GPR26: variants seen among roughly 807,000 people sequenced by gnomAD.
GPR26 encodes G protein-coupled receptor 26.
In GPR26, 15 loss-of-function variants were observed where a neutral mutation model predicts 23.1. That is an observed-to-expected ratio of 0.65 (90% CI 0.43 to 1.00). The LOEUF (loss-of-function observed/expected upper bound fraction) is 1.00. Among genes scored for constraint, GPR26 ranks in the 50% least tolerant of loss-of-function variants. The pLI is 0.00. For missense variants in GPR26, 359 were observed against 470.5 expected, an observed-to-expected ratio of 0.76 and a Z score of 2.19; for synonymous variants, 228 against 222.1, an observed-to-expected ratio of 1.03 and a Z score of -0.24.
In GPR26 at chr10:123,674,691, C is replaced by T. The variant is rs570181043; in HGVS notation, c.669-127C>T. On this transcript the variant is annotated intron_variant, in intron 1 of 2. Coordinates refer to ENST00000284674, the MANE Select transcript of GPR26 (RefSeq NM_153442.4). The surrounding 1 kb of genome is among the most constrained non-coding windows in gnomAD (Gnocchi z 4.1). Reference sequence around the variant, plus strand: ...CAATAGCTACAGCCAAGAGTTGACGCTGGGTCTTTCCGACTCCATAGTCAA... The same window carrying T: ...CAATAGCTACAGCCAAGAGTTGACGTTGGGTCTTTCCGACTCCATAGTCAA... 3.4e-5 allele frequency: 21 copies of T among 621,750 alleles called. No homozygotes were observed. The highest frequency in any genetic ancestry group is 3.1e-4 in the African/African-American group (17 of 54,726). 38.5% of individuals were successfully genotyped at this position (621,750 alleles called of 1,614,324 possible).
chr10:123,675,684 A>T (rs1845296372), intron 2 of GPR26, among the ~76,000 whole-genome samples: 1 of 152,146 alleles, frequency 6.6e-6, no homozygotes, highest in South Asian at 2.1e-4. Flanking sequence ...CTTTGCATCT[A>T]AAGGGGCTTA....
Position 123,674,572 on chromosome 10 carries a change from C to T in GPR26, c.669-246C>T, listed in dbSNP as rs899115212. Among the ~76,000 whole-genome samples the T allele has an allele frequency of 6.6e-6, 1 of 152,176 alleles. No homozygotes were observed. Among genetic ancestry groups the T allele is most frequent in the Non-Finnish European group, 1.5e-5 (1 of 68,042 alleles). Reference sequence around the variant, plus strand: ...AACAGCCTCTTGTAGCATTTTATTACATTATGTGTAATACACTAAAATATA... The same window carrying T: ...AACAGCCTCTTGTAGCATTTTATTATATTATGTGTAATACACTAAAATATA... On this transcript the variant is annotated intron_variant, in intron 1 of 2. Transcript: ENST00000284674. This position sits in a 1 kb window ranked among gnomAD's most constrained non-coding sequence, Gnocchi z 4.1.
chr10:123,688,638 T>C lies in GPR26; in HGVS notation c.*478T>C, dbSNP rs1845456880. ...GGCCCGGATCTAACATGGCACCTCG[T>C]CTCCACAGGGTAGTGGTGGCTGCTT... On this transcript the variant is annotated 3_prime_UTR_variant, in exon 3 of 3. Coordinates refer to ENST00000284674, the MANE Select transcript of GPR26 (RefSeq NM_153442.4). 5.4e-6 allele frequency: 1 copy of C among 186,710 alleles called. No homozygotes were observed. Among genetic ancestry groups the C allele is most frequent in the South Asian group, 1.2e-4 (1 of 8,454 alleles). 11.6% of individuals were successfully genotyped at this position (186,710 alleles called of 1,614,324 possible).
intron 1 of GPR26, among the ~76,000 whole-genome samples, chr10:123,668,867 T>G (rs187621447): frequency 6.6e-6 from 1 of 152,342 alleles, no homozygotes; most frequent in East Asian, 1.9e-4. Context: ...CAAACTGCAT[T>G]CCCACTCTTC....
chr10:123,676,086 T>C (rs1455493562), intron 2 of GPR26, among the ~76,000 whole-genome samples: 1 of 150,314 alleles, frequency 6.7e-6, no homozygotes, highest in Non-Finnish European at 1.5e-5. Flanking sequence ...CCAGTTCTTC[T>C]TTCTGCCATC....
intron 1 of GPR26, among the ~76,000 whole-genome samples, chr10:123,671,839 A>T (rs369668445): frequency 7.2e-5 from 11 of 152,296 alleles, no homozygotes; most frequent in African/African-American, 2.4e-4. Flanking sequence ...CAGTGTTCTC[A>T]TCTGAATATA....
intron 1 of GPR26, among the ~76,000 whole-genome samples, chr10:123,671,295 C>T (rs1210023939): frequency 1.3e-5 from 2 of 152,294 alleles, no homozygotes; most frequent in South Asian, 2.1e-4. Context: ...TGACTGGAGC[C>T]GCTGGGGAAC....
In GPR26 at chr10:123,695,998, G is replaced by C. The variant is rs1464273341; in HGVS notation, c.*7838G>C. 1.3e-5 allele frequency among the ~76,000 whole-genome samples: 2 copies of C among 152,154 alleles called. No homozygotes were observed. Among genetic ancestry groups the C allele is most frequent in the Non-Finnish European group, 2.9e-5 (2 of 68,026 alleles). ...CCTTGCCTGATGCCCATTACCACCT[G>C]GGGTGGTTTTTCTAGACACCAGAAT... is the stretch of plus-strand genomic sequence containing the variant. On this transcript the variant is annotated 3_prime_UTR_variant, in exon 3 of 3. Transcript: ENST00000284674.
chr10:123,687,490 T>C (rs557926109), intron 2 of GPR26, among the ~76,000 whole-genome samples: 1 of 151,644 alleles, frequency 6.6e-6, no homozygotes, highest in Admixed American at 6.6e-5. Context: ...AGCAGCAGAG[T>C]TGGCGCCAAA....
intron 1 of GPR26, among the ~76,000 whole-genome samples, chr10:123,673,396 A>C (rs189146993): frequency 8.5e-4 from 130 of 152,296 alleles, no homozygotes; most frequent in African/African-American, 2.5e-3. Flanking sequence ...TTTTTTTAAC[A>C]GACTGCCTAT....
chr10:123,682,888 C>T (rs191601842), intron 2 of GPR26, among the ~76,000 whole-genome samples: 5 of 152,326 alleles, frequency 3.3e-5, no homozygotes, highest in African/African-American at 9.6e-5. Context: ...TCTTCAAATA[C>T]ACAAGCTGAG....
In GPR26 at chr10:123,695,317, T is replaced by C. The variant is rs1442757452; in HGVS notation, c.*7157T>C. Among the ~76,000 whole-genome samples, 1 of 152,222 alleles carries C rather than the reference T, an allele frequency of 6.6e-6. No homozygotes were observed. The highest frequency in any genetic ancestry group is 2.4e-5 in the African/African-American group (1 of 41,450). On this transcript the variant is annotated 3_prime_UTR_variant, in exon 3 of 3. Coordinates refer to ENST00000284674, the MANE Select transcript of GPR26 (RefSeq NM_153442.4). ...TTCTTAGGAACACCAGCGTGTGGTATTTCCTGTGTCCTCTCATGCATGCTC... is the reference window on the plus strand; with the variant it reads ...TTCTTAGGAACACCAGCGTGTGGTACTTCCTGTGTCCTCTCATGCATGCTC...
At chr10:123,671,805 G>C (rs1292739002) in intron 1 of GPR26, among the ~76,000 whole-genome samples, 1 of 152,170 alleles carries the variant, frequency 6.6e-6, no homozygotes, top group Non-Finnish European at 1.5e-5. Flanking sequence ...GTAACCTTGG[G>C]CATGTTGTAA....
rs540957140 is a variant in GPR26, at chr10:123,697,150, T to C, written c.*8990T>C. Among the ~76,000 whole-genome samples the C allele has an allele frequency of 1.3e-5, 2 of 152,262 alleles. No individual in the cohort carries two copies. Among genetic ancestry groups the C allele is most frequent in the Admixed American group, 6.5e-5 (1 of 15,292 alleles). On this transcript the variant is annotated 3_prime_UTR_variant, in exon 3 of 3. Transcript: ENST00000284674. ...CATAAGTATGGCTCCATTTTTTTAG[T>C]ATTACCAGAAGCCCTCCCAATACGG...
rs1380262732 is a variant in GPR26, at chr10:123,688,837, G to A, written c.*677G>A. On this transcript the variant is annotated 3_prime_UTR_variant, in exon 3 of 3. Transcript: ENST00000284674. Reference sequence around the variant, plus strand: ...TAGTCCTCTCCTTCCCCCTAAAAGCGAATGTTTGTGTGTGCAGACAATCTT... The same window carrying A: ...TAGTCCTCTCCTTCCCCCTAAAAGCAAATGTTTGTGTGTGCAGACAATCTT... The A allele has an allele frequency of 5.2e-5, 8 of 153,014 alleles. No homozygotes were observed. The East Asian group carries it at 5.8e-4, about 11-fold the overall frequency. The allele number at this position is 153,014 out of a possible 1,614,324, so 9.5% of individuals were successfully genotyped here. A position where few individuals can be genotyped will look rare whatever the true frequency, so the allele number is the denominator to read the frequency against.
chr10:123,684,679 C>T (rs959828184), intron 2 of GPR26, among the ~76,000 whole-genome samples: 2 of 152,334 alleles, frequency 1.3e-5, no homozygotes, highest in East Asian at 1.9e-4. Context: ...CGTGTTCACA[C>T]GGCACTCACC....
At position 123,666,543 on chromosome 10, in the gene GPR26, C is replaced by A; in HGVS notation, c.136C>A (p.Leu46Met). The A allele has an allele frequency of 6.3e-7, 1 of 1,593,918 alleles. No homozygotes were observed. Among genetic ancestry groups the A allele is most frequent in the Non-Finnish European group, 8.5e-7 (1 of 1,172,830 alleles). Residue 46 changes from leucine (L) to methionine (M), a missense_variant, in exon 1 of 3, where the codon CTG becomes ATG. By Grantham distance (15) the Leu-to-Met change is conservative. Transcript: ENST00000284674. ...IRRQAPALFT[L>M]NLTCGNLLCT... Reference sequence around the variant, plus strand: ...CCGCCAGGCGCCGGCGCTCTTCACCCTGAACCTCACGTGCGGGAACCTGCT... The same window carrying A: ...CCGCCAGGCGCCGGCGCTCTTCACCATGAACCTCACGTGCGGGAACCTGCT...
chr10:123,687,839 G>A (rs1589931446), intron 2 of GPR26, 90 bp from the exon 3 acceptor site: 2 of 823,800 alleles, frequency 2.4e-6, no homozygotes, highest in Non-Finnish European at 4.1e-6. Flanking sequence ...CGAAACCGTG[G>A]TCTGCAGGGC....
In GPR26 at chr10:123,674,849, C is replaced by T. The variant is rs777716254; in HGVS notation, c.700C>T (p.Arg234Trp). ...GGAACGCTGTCTGGAGGAGCAGAAG[C>T]GGAGGCGACAGCGAGCCACCAAGAA... Reference protein sequence around the residue: ...VRERCLEEQKRRRQRATKKIS... With the variant: ...VRERCLEEQKWRRQRATKKIS... The change falls in exon 2 of 3, where the codon CGG (arginine) becomes TGG (tryptophan). Residue 234 changes from arginine (R) to tryptophan (W), a missense_variant. Physicochemically the swap from Arg to Trp is moderately radical, Grantham distance 101. Transcript: ENST00000284674. This position sits in a 1 kb window ranked among gnomAD's most constrained non-coding sequence, Gnocchi z 4.1. 14 of 1,613,226 alleles carry T rather than the reference C, an allele frequency of 8.7e-6. No individual in the cohort carries two copies. The highest frequency in any genetic ancestry group is 4.5e-5 in the East Asian group (2 of 44,850).
Sources: allele counts gnomAD v4.1 joint callset (sites outside exome capture counted in the v4.1 genomes callset), GRCh38; gene constraint gnomAD v4.1.1; non-coding constraint Gnocchi (gnomAD v3.1); transcripts MANE v1.5; gene names NCBI Gene and HGNC (gene_info 2026-07-23, HGNC 2026-07-21).